The following CRCP variants were observed in gnomAD, a reference collection of about 807,000 sequenced individuals.
The protein encoded by CRCP is CGRP receptor component, also known as DNA-directed RNA polymerase III subunit RPC9.
Under a neutral mutation model 18.5 loss-of-function variants are expected in CRCP, and 18 were observed. The observed-to-expected ratio is 0.97, with a 90% CI of 0.67 to 1.44. The LOEUF is 1.44. CRCP is among the 40% of genes most tolerant of loss of function. CRCP has a pLI of 0.00. For synonymous variants in CRCP, 53 were observed against 62.9 expected, an observed-to-expected ratio of 0.84 and a Z score of 0.75; for missense variants, 130 against 176.4, an observed-to-expected ratio of 0.74 and a Z score of 1.49.
chr7:66,151,715 G>A (rs1243211477), intron 5 of CRCP, among the ~76,000 whole-genome samples: 4 of 113,962 alleles, frequency 3.5e-5, no homozygotes, highest in Admixed American at 9.1e-5. Flanking sequence ...GTGTGTGTGT[G>A]TGGTTATATA....
chr7:66,132,742 A>G (rs946356021), intron 3 of CRCP, among the ~76,000 whole-genome samples: 1 of 151,904 alleles, frequency 6.6e-6, no homozygotes, highest in Non-Finnish European at 1.5e-5. Context: ...TCTCTACTAA[A>G]AAGAAAAAAT....
intron 4 of CRCP, among the ~76,000 whole-genome samples, chr7:66,144,423 T>C (rs531898442): frequency 1.3e-5 from 2 of 152,362 alleles, no homozygotes; most frequent in South Asian, 2.1e-4. Context: ...TTGGGAAATA[T>C]TAAATCTTCA....
chr7:66,149,631 A>C (rs1426843036), intron 5 of CRCP, among the ~76,000 whole-genome samples: 1 of 152,222 alleles, frequency 6.6e-6, no homozygotes, highest in Non-Finnish European at 1.5e-5. Flanking sequence ...AATCCTCCTT[A>C]ATTACAGTCA....
chr7:66,126,627 C>T (rs1184339392), intron 1 of CRCP: 3 of 428,978 alleles, frequency 7.0e-6, no homozygotes, highest in African/African-American at 4.1e-5. Flanking sequence ...CAAATAATAG[C>T]CTTCCATTAT....
intron 4 of CRCP, among the ~76,000 whole-genome samples, chr7:66,143,880 G>A (rs1444875966): frequency 6.6e-6 from 1 of 152,178 alleles, no homozygotes; most frequent in African/African-American, 2.4e-5. Context: ...TTTCATCCCT[G>A]TTAATCCTCT....
rs1720318438 is a variant in CRCP, at chr7:66,145,599, G to A, written c.297+99G>A. On this transcript the variant is annotated intron_variant, in intron 5 of 5. Coordinates refer to ENST00000395326, the MANE Select transcript of CRCP (RefSeq NM_014478.5). The stretch of plus-strand genomic sequence containing the variant: ...GGAACTGCGTTTTTTTTAAGAGGCT[G>A]CCCAACCACTCCATTTCTTAAGGAA... 7 of 1,215,884 alleles carry A rather than the reference G, an allele frequency of 5.8e-6. No homozygotes were observed. The Admixed American group carries it at 6.9e-5, about 12-fold the overall frequency. The allele number at this position is 1,215,884 out of a possible 1,614,324, so 75.3% of individuals were successfully genotyped here.
chr7:66,145,333 C>T, intron 4 of CRCP, 110 bp from the exon 5 acceptor site: 1 of 1,085,626 alleles, frequency 9.2e-7, no homozygotes, highest in East Asian at 2.4e-5. Flanking sequence ...GAGGGCCACA[C>T]TCCAGTGGTT....
At chr7:66,127,615 C>T (rs2115908732) in intron 1 of CRCP, 89 bp from the exon 2 acceptor site, 1 of 1,440,628 alleles carries the variant, frequency 6.9e-7, no homozygotes, top group Non-Finnish European at 9.7e-7. Context: ...AAGTGGACTA[C>T]TGTATCTTGA....
At chr7:66,122,236 G>A (rs1787464338) in intron 1 of CRCP, among the ~76,000 whole-genome samples, 2 of 152,010 alleles carry the variant, frequency 1.3e-5, no homozygotes, top group African/African-American at 2.4e-5. Context: ...TTAGCCGGGC[G>A]TGGTGGTGGG....
At chr7:66,151,847 A>G in intron 5 of CRCP, among the ~76,000 whole-genome samples, 1 of 142,084 alleles carries the variant, frequency 7.0e-6, no homozygotes, top group South Asian at 2.2e-4. Flanking sequence ...CTCCCACCTC[A>G]GCCCCCCAAG....
intron 4 of CRCP, among the ~76,000 whole-genome samples, chr7:66,144,082 C>T (rs1179247075): frequency 6.6e-6 from 1 of 152,056 alleles, no homozygotes; most frequent in African/African-American, 2.4e-5. Context: ...GATATGCAGC[C>T]CCAGGGTCAA....
chr7:66,123,466 A>T (rs1183664872), intron 1 of CRCP, among the ~76,000 whole-genome samples: 4 of 152,076 alleles, frequency 2.6e-5, no homozygotes, highest in Non-Finnish European at 5.9e-5. Flanking sequence ...AAACTTTTAG[A>T]TGCCTGGTAT....
At chr7:66,130,687 T>G in intron 2 of CRCP, 57 bp from the exon 3 acceptor site, 1 of 1,030,716 alleles carries the variant, frequency 9.7e-7, no homozygotes, top group East Asian at 2.4e-5. Context: ...CCACTGACCT[T>G]GGATAGATAT....
At chr7:66,138,346 T>C (rs1788030247) in intron 4 of CRCP, among the ~76,000 whole-genome samples, 1 of 151,916 alleles carries the variant, frequency 6.6e-6, no homozygotes, top group Non-Finnish European at 1.5e-5. Context: ...TGAGACCAGC[T>C]TGGGCATCAT....
At chr7:66,148,670 G>T (rs1788369673) in intron 5 of CRCP, among the ~76,000 whole-genome samples, 1 of 152,172 alleles carries the variant, frequency 6.6e-6, no homozygotes, top group Non-Finnish European at 1.5e-5. Context: ...GCCCGGTTGT[G>T]TATTGATTTG....
At chr7:66,132,619 T>C (rs975333007) in intron 3 of CRCP, among the ~76,000 whole-genome samples, 3 of 152,178 alleles carry the variant, frequency 2.0e-5, no homozygotes, top group Admixed American at 6.6e-5. Flanking sequence ...TTCCACATTA[T>C]GTTAGAAAGG....
intron 5 of CRCP, among the ~76,000 whole-genome samples, chr7:66,146,351 C>T (rs1012842913): frequency 6.6e-6 from 1 of 151,996 alleles, no homozygotes; most frequent in Non-Finnish European, 1.5e-5. Context: ...GATACCCGGG[C>T]CACCACTGGG....
chr7:66,141,922 G>C (rs1235230188), intron 4 of CRCP, among the ~76,000 whole-genome samples: 1 of 152,144 alleles, frequency 6.6e-6, no homozygotes, highest in South Asian at 2.1e-4. Context: ...GGCCTGCTGT[G>C]ACCACAGCAG....
chr7:66,123,328 T>C (rs1787508260), intron 1 of CRCP, among the ~76,000 whole-genome samples: 1 of 152,200 alleles, frequency 6.6e-6, no homozygotes, highest in South Asian at 2.1e-4. Flanking sequence ...AGAAGTCTGA[T>C]TGCATGTGAA....
Sources: gnomAD v4.1 joint callset for allele counts (sites outside exome capture counted in the v4.1 genomes callset) on GRCh38, gnomAD v4.1.1 for gene constraint, MANE v1.5 for transcripts, NCBI Gene and HGNC (gene_info 2026-07-23, HGNC 2026-07-21) for gene names.